Variants in CSMD1 observed in about 807,000 individuals in gnomAD.
The protein encoded by CSMD1 is CUB and sushi domain-containing protein 1.
Under a neutral mutation model 417.5 loss-of-function variants are expected in CSMD1, and 213 were observed. The ratio of observed to expected loss-of-function variants is 0.51; its 90% confidence interval spans 0.46 to 0.57. CSMD1 has a LOEUF of 0.57. Ranked by LOEUF, CSMD1 falls within the 20% of genes least tolerant of loss-of-function variation. The probability of loss-of-function intolerance (pLI) is 0.00; values close to 1 mark genes in which losing one functional copy is unlikely to be tolerated. For synonymous variants in CSMD1, 2,862 were observed against 1,736.8 expected (o/e 1.65, Z -16.11); for missense variants, 6,923 against 4,529.7 (o/e 1.53, Z -15.17).
intron 36 of CSMD1, among the ~76,000 whole-genome samples, chr8:3,183,386 G>A (rs555594742): frequency 6.7e-6 from 1 of 148,972 alleles, no homozygotes; most frequent in South Asian, 2.2e-4. Flanking sequence ...ACCCACCGAC[G>A]TCACGAACTG....
chr8:4,067,239 AAG>A (rs1329756017), intron 3 of CSMD1, among the ~76,000 whole-genome samples: 1 of 152,224 alleles, frequency 6.6e-6, no homozygotes, highest in Non-Finnish European at 1.5e-5. Context: ...TCAGATGTTC[AAG>A]ACAGATAATT....
intron 54 of CSMD1, among the ~76,000 whole-genome samples, chr8:2,988,968 G>C (rs935241100): frequency 3.9e-5 from 6 of 152,148 alleles, no homozygotes; most frequent in African/African-American, 1.4e-4. Context: ...TCTCTGTTTT[G>C]TGCCATTAAC....
intron 10 of CSMD1, among the ~76,000 whole-genome samples, chr8:3,514,700 C>G (rs922669918): frequency 1.4e-4 from 21 of 152,010 alleles, no homozygotes; most frequent in South Asian, 4.1e-4. Flanking sequence ...TTGTTAATAT[C>G]ATTTGAAGCT....
At chr8:4,852,615 C>A (rs1275091472) in intron 1 of CSMD1, among the ~76,000 whole-genome samples, 1 of 151,992 alleles carries the variant, frequency 6.6e-6, no homozygotes, top group African/African-American at 2.4e-5. Context: ...TATAAAGATA[C>A]TTGAAAATAT....
At chr8:3,432,219 G>A (rs1814262237) in intron 12 of CSMD1, among the ~76,000 whole-genome samples, 1 of 152,012 alleles carries the variant, frequency 6.6e-6, no homozygotes, top group Non-Finnish European at 1.5e-5. Flanking sequence ...AACTGAATAT[G>A]ACTATGGAAA....
chr8:3,381,177 C>A (rs1341753612), intron 18 of CSMD1, among the ~76,000 whole-genome samples: 1 of 151,998 alleles, frequency 6.6e-6, no homozygotes, highest in Non-Finnish European at 1.5e-5. Flanking sequence ...AGTACTACAA[C>A]TTTTCAATCT....
At chr8:4,066,496 T>G (rs1408885282) in intron 3 of CSMD1, among the ~76,000 whole-genome samples, 1 of 152,210 alleles carries the variant, frequency 6.6e-6, no homozygotes, top group Non-Finnish European at 1.5e-5. Context: ...ATCTATTGAC[T>G]TGATAGAAAA....
At chr8:3,580,478 T>A (rs1432807520) in intron 9 of CSMD1, among the ~76,000 whole-genome samples, 1 of 152,166 alleles carries the variant, frequency 6.6e-6, no homozygotes, top group Non-Finnish European at 1.5e-5. Context: ...TCTAGGAATG[T>A]AAATAGCACC....
intron 3 of CSMD1, among the ~76,000 whole-genome samples, chr8:4,180,647 C>A (rs951280750): frequency 6.6e-6 from 1 of 151,970 alleles, no homozygotes; most frequent in African/African-American, 2.4e-5. Flanking sequence ...AAAAGAAGTT[C>A]TAATCCTGCC....
intron 3 of CSMD1, among the ~76,000 whole-genome samples, chr8:4,151,957 G>T (rs532979769): frequency 2.6e-5 from 4 of 152,164 alleles, no homozygotes; most frequent in African/African-American, 9.7e-5. Flanking sequence ...AATGGGAGGT[G>T]TAAGCAGTTA....
At chr8:3,643,724 G>GAAAAAAAAAAAAAAAAAAAA (rs1431798280) in intron 7 of CSMD1, among the ~76,000 whole-genome samples, 4 of 120,830 alleles carry the variant, frequency 3.3e-5, no homozygotes, top group East Asian at 2.4e-4. Context: ...AAAAAAAAAG[G>GAAAAAAAAAAAAAAAAAAAA]AAATGCCTCC....
chr8:4,728,955 A>C (rs925294832), intron 1 of CSMD1, among the ~76,000 whole-genome samples: 6 of 152,174 alleles, frequency 3.9e-5, no homozygotes, highest in African/African-American at 1.4e-4. Flanking sequence ...CCATGTGGAG[A>C]TAGAGATGGA....
In CSMD1 at chr8:2,966,739, G is replaced by A; in HGVS notation, c.8931C>T (p.Ser2977=). The change falls in exon 58 of 70, where the codon TCC becomes TCT. Residue 2977 remains serine (S), a synonymous_variant. Transcript: ENST00000635120. ...TGGTGGGTGTGCCAGGGTTGCCACAGGACACGGCTGTTAGGCAAACAAGAA... is the reference window on the plus strand; with the variant it reads ...TGGTGGGTGTGCCAGGGTTGCCACAAGACACGGCTGTTAGGCAAACAAGAA... ...SGLQPVCEAV[S]CGNPGTPTNG... 9 of 1,613,160 alleles carry A rather than the reference G, an allele frequency of 5.6e-6. No homozygotes were observed. The highest frequency in any genetic ancestry group is 7.6e-6 in the Non-Finnish European group (9 of 1,179,592).
chr8:3,379,201 G>C (rs1810487000), intron 18 of CSMD1, among the ~76,000 whole-genome samples: 1 of 152,136 alleles, frequency 6.6e-6, no homozygotes, highest in African/African-American at 2.4e-5. Flanking sequence ...GGATGTGAAG[G>C]ATCTCTTCAA....
intron 1 of CSMD1, among the ~76,000 whole-genome samples, chr8:4,655,785 C>G (rs1039267217): frequency 6.6e-6 from 1 of 152,098 alleles, no homozygotes; most frequent in East Asian, 1.9e-4. Flanking sequence ...GATATAATAT[C>G]AAATCAATTA....
At chr8:4,562,819 A>G (rs1585253600) in intron 2 of CSMD1, among the ~76,000 whole-genome samples, 1 of 152,180 alleles carries the variant, frequency 6.6e-6, no homozygotes, top group African/African-American at 2.4e-5. Context: ...CAGATCATTT[A>G]TTATGTTAGA....
intron 26 of CSMD1, among the ~76,000 whole-genome samples, chr8:3,263,801 C>T (rs1011828147): frequency 2.0e-5 from 3 of 152,164 alleles, no homozygotes; most frequent in East Asian, 3.9e-4. Flanking sequence ...GACACAAAGA[C>T]ACTAATAGTT....
At chr8:4,008,718 C>G (rs1247634489) in intron 4 of CSMD1, among the ~76,000 whole-genome samples, 2 of 143,372 alleles carry the variant, frequency 1.4e-5, no homozygotes, top group Non-Finnish European at 3.0e-5. Flanking sequence ...TCACATCATT[C>G]TCCTGCCTCA....
intron 4 of CSMD1, among the ~76,000 whole-genome samples, chr8:4,012,555 G>C (rs1796318122): frequency 6.6e-6 from 1 of 152,110 alleles, no homozygotes; most frequent in African/African-American, 2.4e-5. Flanking sequence ...CTGGCAGGTA[G>C]TTATTCAACC....
Sources: gnomAD v4.1 joint callset for allele counts (sites outside exome capture counted in the v4.1 genomes callset) on GRCh38, gnomAD v4.1.1 for gene constraint, MANE v1.5 for transcripts, NCBI Gene and HGNC (gene_info 2026-07-23, HGNC 2026-07-21) for gene names.